TCHH: variants seen among roughly 807,000 people sequenced by gnomAD.
The protein encoded by TCHH is trichohyalin.
A neutral mutation model predicts 6.3 loss-of-function variants in TCHH; 6 were observed. The observed-to-expected ratio is 0.95, with a 90% CI of 0.52 to 1.88. TCHH has a LOEUF of 1.88. TCHH is among the 40% of genes most tolerant of loss of function. The probability of loss-of-function intolerance (pLI) is 0.01; values close to 1 mark genes in which losing one functional copy is unlikely to be tolerated. For missense variants in TCHH, 2,920 were observed against 2,449.1 expected, an observed-to-expected ratio of 1.19 and a Z score of -4.06; for synonymous variants, 1,087 against 963.6, an observed-to-expected ratio of 1.13 and a Z score of -2.37.
Position 152,110,899 on chromosome 1 carries a change from G to T in TCHH, c.2318C>A (p.Ala773Glu), listed in dbSNP as rs200287676. Residue 773 changes from alanine to glutamate, a missense_variant, in exon 3 of 3, where the codon GCG (alanine) becomes GAG (glutamate). Ala to Glu is a moderately radical substitution (Grantham distance 107). Coordinates refer to ENST00000614923, the MANE Select transcript of TCHH (RefSeq NM_007113.4). ...QRRDFTWQWQ[A>E]EEKSERGRQR... ...ACGGCCCCTCTCGCTCTTTTCCTCCGCCTGCCACTGCCATGTGAAGTCCCG... is the reference window on the plus strand; with the variant it reads ...ACGGCCCCTCTCGCTCTTTTCCTCCTCCTGCCACTGCCATGTGAAGTCCCG... The T allele has an allele frequency of 6.3e-7, 1 of 1,593,656 alleles. No individual in the cohort carries two copies. Among genetic ancestry groups the T allele is most frequent in the East Asian group, 2.3e-5 (1 of 43,834 alleles).
rs1482226580 is a variant in TCHH at position 152,110,878 on chromosome 1, C to T, written c.2339G>A (p.Gly780Asp). The T allele has an allele frequency of 6.2e-7, 1 of 1,610,788 alleles. No homozygotes were observed. The highest frequency in any genetic ancestry group is 8.5e-7 in the Non-Finnish European group (1 of 1,179,738). Residue 780 changes from glycine (G) to aspartate (D), a missense_variant, in exon 3 of 3, where the codon GGC (glycine) becomes GAC (aspartate). Coordinates refer to ENST00000614923, the MANE Select transcript of TCHH (RefSeq NM_007113.4). The part of the protein sequence containing the change: ...QWQAEEKSER[G>D]RQRLSARPPL... Reference sequence around the variant, plus strand: ...GGGCCTGGCCGACAGCCTCTGACGGCCCCTCTCGCTCTTTTCCTCCGCCTG... The same window carrying T: ...GGGCCTGGCCGACAGCCTCTGACGGTCCCTCTCGCTCTTTTCCTCCGCCTG...
chr1:152,113,811 G>T (rs1572160973), intron 2 of TCHH, 132 bp downstream of exon 2: 2 of 1,038,064 alleles, frequency 1.9e-6, no homozygotes, highest in Non-Finnish European at 2.8e-6. Context: ...ACTCAGAAAT[G>T]AATGGGGGAT....
In TCHH at chr1:152,114,054, A is replaced by G; in HGVS notation, c.27T>C (p.Cys9=). The G allele has an allele frequency of 1.2e-6, 2 of 1,613,178 alleles. No individual in the cohort carries two copies. Among genetic ancestry groups the G allele is most frequent in the Middle Eastern group, 3.3e-4 (2 of 6,054 alleles). MSPLLRSI[C]DITEIFNQYV... Reference sequence around the variant, plus strand: ...ACTGATTGAAAATTTCAGTGATGTCACAGATGCTTCTCAGAAGTGGAGACA... The same window carrying G: ...ACTGATTGAAAATTTCAGTGATGTCGCAGATGCTTCTCAGAAGTGGAGACA... The change falls in exon 2 of 3, where the codon TGT becomes TGC. Residue 9 remains cysteine (C), a synonymous_variant. Coordinates refer to ENST00000614923, the MANE Select transcript of TCHH (RefSeq NM_007113.4).
Position 152,112,843 on chromosome 1 carries a change from C to T in TCHH, c.374G>A (p.Arg125Gln). ...AGGTTCTTCTTCCAGTTGTCTGTCC[C>T]GGGGCTCGAATCTCCTTTGGTCTTC... ...QEEDQRRFEP[R>Q]DRQLEEEPGQ... The change falls in exon 3 of 3, where the codon CGG (arginine) becomes CAG (glutamine). Residue 125 changes from arginine to glutamine, a missense_variant. Transcript: ENST00000614923. 1.9e-6 allele frequency: 3 copies of T among 1,613,838 alleles called. No homozygotes were observed. The highest frequency in any genetic ancestry group is 2.5e-6 in the Non-Finnish European group (3 of 1,179,994).
chr1:152,112,841 C>G lies in TCHH; in HGVS notation c.376G>C (p.Asp126His), dbSNP rs1359720129. The change falls in exon 3 of 3, where the codon GAC becomes CAC. Residue 126 changes from aspartate (D) to histidine (H), a missense_variant. Transcript: ENST00000614923. ...EEDQRRFEPR[D>H]RQLEEEPGQR... ...CCAGGTTCTTCTTCCAGTTGTCTGTCCCGGGGCTCGAATCTCCTTTGGTCT... is the reference window on the plus strand; with the variant it reads ...CCAGGTTCTTCTTCCAGTTGTCTGTGCCGGGGCTCGAATCTCCTTTGGTCT... 6 of 1,613,828 alleles carry G rather than the reference C, an allele frequency of 3.7e-6. No homozygotes were observed. Among genetic ancestry groups the G allele is most frequent in the Admixed American group, 1.7e-5 (1 of 59,978 alleles).
rs774796517 is a variant in TCHH at position 152,108,413 on chromosome 1, G to A, written c.4804C>T (p.Gln1602Ter). 2 of 1,613,472 alleles carry A rather than the reference G, an allele frequency of 1.2e-6. No individual in the cohort carries two copies. The highest frequency in any genetic ancestry group is 4.5e-5 in the East Asian group (2 of 44,798). Residue 1602 changes from glutamine to a stop codon, truncating the protein, a stop_gained, in exon 3 of 3, where the codon CAG becomes TAG. Transcript: ENST00000614923. LOFTEE classifies it low-confidence loss of function (END_TRUNC). ...EQERKFMEDE[Q>*]QLRRQEGQQQ... ...TGGCCCTCCTGGCGGCGCAGCTGCT[G>A]TTCGTCCTCCATGAATTTTCTCTCT...
In TCHH at chr1:152,109,440, G is replaced by A. The variant is rs777617857; in HGVS notation, c.3777C>T (p.Arg1259=). ...QFRQLEDSQL[R]DRQSQQDLQH... is the part of the protein sequence containing the mutation. ...GCAGATCTTGCTGGGATTGTCTGTC[G>A]CGCAGCTGGGAATCTTCCAACTGCC... Residue 1259 remains arginine, a synonymous_variant, in exon 3 of 3, where the codon CGC becomes CGT. Transcript: ENST00000614923. 5 of 1,613,630 alleles carry A rather than the reference G, an allele frequency of 3.1e-6. No homozygotes were observed. The highest frequency in any genetic ancestry group is 2.7e-5 in the African/African-American group (2 of 74,920).
rs761485060 is a variant in TCHH at position 152,107,723 on chromosome 1, C to T, written c.5494G>A (p.Glu1832Lys). ...TCCTGCCGCAGCCTCTGCTCTTGTTCCTCAAGTTGGAGCTGCTCTTCTTCC... is the reference window on the plus strand; with the variant it reads ...TCCTGCCGCAGCCTCTGCTCTTGTTTCTCAAGTTGGAGCTGCTCTTCTTCC... ...RWEEEQLQLE[E>K]QEQRLRQERD... The change falls in exon 3 of 3, where the codon GAA (glutamate) becomes AAA (lysine). Residue 1832 changes from glutamate to lysine, a missense_variant. Physicochemically the swap from Glu to Lys is moderately conservative, Grantham distance 56. Coordinates refer to ENST00000614923, the MANE Select transcript of TCHH (RefSeq NM_007113.4). 1.2e-6 allele frequency: 2 copies of T among 1,614,182 alleles called. No homozygotes were observed. The highest frequency in any genetic ancestry group is 2.2e-5 in the South Asian group (2 of 91,086).
rs1557808468 is a variant in TCHH, at chr1:152,108,401, G to A, written c.4816C>T (p.Arg1606Cys). The A allele has an allele frequency of 1.9e-6, 3 of 1,612,942 alleles. No homozygotes were observed. Among genetic ancestry groups the A allele is most frequent in the Non-Finnish European group, 1.7e-6 (2 of 1,179,720 alleles). The change falls in exon 3 of 3, where the codon CGC becomes TGC. Residue 1606 changes from arginine (R) to cysteine (C), a missense_variant. Transcript: ENST00000614923. ...CGCAGCTGTTGTTGGCCCTCCTGGC[G>A]GCGCAGCTGCTGTTCGTCCTCCATG... ...KFMEDEQQLR[R>C]QEGQQQLRQE...
Position 152,112,463 on chromosome 1 carries a change from C to T in TCHH, c.754G>A (p.Val252Met), listed in dbSNP as rs1258162335. Reference sequence around the variant, plus strand: ...AACTTCTCTTCTTCCTTCCGGAGCACTGTCTCGCGCTTCCTCCACTCTTTC... The same window carrying T: ...AACTTCTCTTCTTCCTTCCGGAGCATTGTCTCGCGCTTCCTCCACTCTTTC... Reference protein sequence around the residue: ...EEKEWRKRETVLRKEEEKLQE... With the variant: ...EEKEWRKRETMLRKEEEKLQE... The change falls in exon 3 of 3, where the codon GTG becomes ATG. Residue 252 changes from valine (V) to methionine (M), a missense_variant. Coordinates refer to ENST00000614923, the MANE Select transcript of TCHH (RefSeq NM_007113.4). 1.2e-5 allele frequency: 20 copies of T among 1,613,682 alleles called. No individual in the cohort carries two copies. The highest frequency in any genetic ancestry group is 1.6e-5 in the Non-Finnish European group (19 of 1,179,984).
In TCHH at chr1:152,108,344, C is replaced by G. The variant is rs199684586; in HGVS notation, c.4873G>C (p.Glu1625Gln). 1.5e-3 allele frequency: 2,482 copies of G among 1,608,478 alleles called. 3 individuals are homozygous for G. Among genetic ancestry groups the G allele is most frequent in the Non-Finnish European group, 2.0e-3 (2,331 of 1,178,650 alleles). Residue 1625 changes from glutamate to glutamine, a missense_variant, in exon 3 of 3, where the codon GAA becomes CAA. Glu to Gln is a conservative substitution (Grantham distance 29, BLOSUM62 2). Transcript: ENST00000614923. ...TCTTCCCTTTCCTGGAGCAGCTGTTCGTCTTCGCGGAATTTTCTGTCGCGC... is the reference window on the plus strand; with the variant it reads ...TCTTCCCTTTCCTGGAGCAGCTGTTGGTCTTCGCGGAATTTTCTGTCGCGC... ...QERDRKFRED[E>Q]QLLQEREEQQ...
In TCHH at chr1:152,110,959, C is replaced by G. The variant is rs561024537; in HGVS notation, c.2258G>C (p.Arg753Pro). 4 of 1,613,302 alleles carry G rather than the reference C, an allele frequency of 2.5e-6. No homozygotes were observed. The South Asian group carries it at 4.4e-5, about 18-fold the overall frequency. The change falls in exon 3 of 3, where the codon CGG (arginine) becomes CCG (proline). Residue 753 changes from arginine (R) to proline (P), a missense_variant. Transcript: ENST00000614923. Reference protein sequence around the residue: ...ESELQWQEEERAHRQQQEEEQ... With the variant: ...ESELQWQEEEPAHRQQQEEEQ... ...CTCTTCCTGCTGCTGCCGGTGAGCC[C>G]GTTCCTCCTCCTGCCATTGCAGCTC...
chr1:152,107,785 T>C lies in TCHH; in HGVS notation c.5432A>G (p.Gln1811Arg). ...EQLRQEREEQ[Q>R]LRPQQRDGKY... The stretch of plus-strand genomic sequence containing the variant: ...TCCGTCACGCTGTTGGGGGCGCAGC[T>C]GCTGTTCTTCCCTCTCCTGGCGTAG... Residue 1811 changes from glutamine to arginine, a missense_variant, in exon 3 of 3, where the codon CAG (glutamine) becomes CGG (arginine). Coordinates refer to ENST00000614923, the MANE Select transcript of TCHH (RefSeq NM_007113.4). 1 of 1,614,222 alleles carries C rather than the reference T, an allele frequency of 6.2e-7. No individual in the cohort carries two copies. Among genetic ancestry groups the C allele is most frequent in the Non-Finnish European group, 8.5e-7 (1 of 1,180,010 alleles).
In TCHH at chr1:152,111,482, G is replaced by A. The variant is rs1406732819; in HGVS notation, c.1735C>T (p.Leu579=). 1 of 1,599,866 alleles carries A rather than the reference G, an allele frequency of 6.3e-7. No individual in the cohort carries two copies. The highest frequency in any genetic ancestry group is 2.3e-5 in the East Asian group (1 of 44,126). The change falls in exon 3 of 3, where the codon CTG becomes TTG. Residue 579 remains leucine, a synonymous_variant. Transcript: ENST00000614923. ...TGGCGCCTCTCCTCCTCGCGCTTCA[G>A]CAGCTGATCGCGCCTCTCCTCCTGC... ...REQEERRDQL[L]KREEERRQQR... is the part of the protein sequence containing the mutation.
chr1:152,110,459 T>G lies in TCHH; in HGVS notation c.2758A>C (p.Lys920Gln). ...EEELQREERE[K>Q]RRRQEQERQY... ...CTCTCCTGTTCTTGGCGCCTTCTCT[T>G]CTCGCGCTCCTCTCTCTGTAGCTCC... is the stretch of plus-strand genomic sequence containing the variant. Residue 920 changes from lysine (K) to glutamine (Q), a missense_variant, in exon 3 of 3, where the codon AAG (lysine) becomes CAG (glutamine). Physicochemically the swap from Lys to Gln is moderately conservative, Grantham distance 53. Transcript: ENST00000614923. 6.2e-7 allele frequency: 1 copy of G among 1,614,158 alleles called. No individual in the cohort carries two copies. The highest frequency in any genetic ancestry group is 8.5e-7 in the Non-Finnish European group (1 of 1,179,992).
At chr1:152,115,083 G>A (rs531387205) in intron 1 of TCHH, among the ~76,000 whole-genome samples, 1 of 152,318 alleles carries the variant, frequency 6.6e-6, no homozygotes, top group South Asian at 2.1e-4. Context: ...CAATGTAAAA[G>A]AGAACAGAAG....
intron 1 of TCHH, among the ~76,000 whole-genome samples, chr1:152,114,414 G>A (rs1658462123): frequency 6.6e-6 from 1 of 152,146 alleles, no homozygotes; most frequent in Admixed American, 6.5e-5. Context: ...GTATTTCAGA[G>A]TAGAAAATTA....
Position 152,108,578 on chromosome 1 carries a change from G to T in TCHH, c.4639C>A (p.Gln1547Lys), listed in dbSNP as rs1184543549. ...CTGTCACGGTCCTGACGCCGCTGTT[G>T]CCCGCGCTCCTGGCGGCGCAGCTGC... ...EQQLRRQERG[Q>K]QRRQDRDRKF... Residue 1547 changes from glutamine to lysine, a missense_variant, in exon 3 of 3, where the codon CAA becomes AAA. By Grantham distance (53) the Gln-to-Lys change is moderately conservative. Coordinates refer to ENST00000614923, the MANE Select transcript of TCHH (RefSeq NM_007113.4). 6.2e-7 allele frequency: 1 copy of T among 1,606,158 alleles called. No homozygotes were observed. The highest frequency in any genetic ancestry group is 1.4e-5 in the African/African-American group (1 of 72,856).
At position 152,108,365 on chromosome 1, in the gene TCHH, C is replaced by T. The variant is rs1199401238; in HGVS notation, c.4852G>A (p.Asp1618Asn). The T allele has an allele frequency of 5.0e-6, 8 of 1,605,008 alleles. No homozygotes were observed. In the Admixed American group the frequency reaches 6.7e-5, roughly 14 times the overall value. ...EGQQQLRQER[D>N]RKFREDEQLL... The stretch of plus-strand genomic sequence containing the variant: ...TGTTCGTCTTCGCGGAATTTTCTGT[C>T]GCGCTCCTGGCGCAGCTGTTGTTGG... Residue 1618 changes from aspartate (D) to asparagine (N), a missense_variant, in exon 3 of 3, where the codon GAC becomes AAC. Coordinates refer to ENST00000614923, the MANE Select transcript of TCHH (RefSeq NM_007113.4).
Sources: allele counts gnomAD v4.1 joint callset (sites outside exome capture counted in the v4.1 genomes callset), GRCh38; gene constraint gnomAD v4.1.1; transcripts MANE v1.5; gene names NCBI Gene and HGNC (gene_info 2026-07-23, HGNC 2026-07-21).